Variants in CNTN5 observed in about 807,000 individuals in gnomAD.
CNTN5 encodes contactin-5.
Under a neutral mutation model 129.1 loss-of-function variants are expected in CNTN5, and 77 were observed. The ratio of observed to expected loss-of-function variants is 0.60; its 90% CI spans 0.50 to 0.72. The LOEUF is 0.72. Among genes scored for constraint, CNTN5 ranks in the 30% least tolerant of loss-of-function variants. The probability of loss-of-function intolerance (pLI) is 0.00; values close to 1 mark genes in which losing one functional copy is unlikely to be tolerated. For missense variants in CNTN5, 1,478 were observed against 1,328.8 expected (o/e 1.11, Z -1.75); for synonymous variants, 509 against 465.6 (o/e 1.09, Z -1.20).
chr11:100,337,527 G>A, intron 21 of CNTN5: 2 of 739,956 alleles, frequency 2.7e-6, no homozygotes, highest in African/African-American at 1.7e-5. Context: ...ACGCATGTCT[G>A]TATCCCCAGT....
At chr11:99,654,014 A>G (rs992210812) in intron 3 of CNTN5, among the ~76,000 whole-genome samples, 4 of 152,114 alleles carry the variant, frequency 2.6e-5, no homozygotes, top group Admixed American at 6.6e-5. Context: ...GTTTAAGTAC[A>G]AAACAAAATC....
chr11:99,642,284 T>C (rs1951798467), intron 3 of CNTN5, among the ~76,000 whole-genome samples: 2 of 152,238 alleles, frequency 1.3e-5, no homozygotes, highest in South Asian at 4.1e-4. Flanking sequence ...TCACTGATTC[T>C]ACAGTGGTAT....
chr11:99,388,399 A>C (rs1182772880), intron 2 of CNTN5, among the ~76,000 whole-genome samples: 1 of 139,650 alleles, frequency 7.2e-6, no homozygotes, highest in Non-Finnish European at 1.5e-5. Flanking sequence ...TGGGTGACAG[A>C]GCAAAACCCG....
chr11:99,385,348 T>C (rs978899098), intron 2 of CNTN5, among the ~76,000 whole-genome samples: 3 of 151,998 alleles, frequency 2.0e-5, no homozygotes, highest in Admixed American at 1.3e-4. Flanking sequence ...TCAAAAGTAA[T>C]GTAATCCAGC....
chr11:99,106,037 C>T (rs188746858), intron 1 of CNTN5, among the ~76,000 whole-genome samples: 1 of 152,166 alleles, frequency 6.6e-6, no homozygotes, highest in Non-Finnish European at 1.5e-5. Context: ...TATCTGCAAA[C>T]TTCATGGTCT....
intron 3 of CNTN5, among the ~76,000 whole-genome samples, chr11:99,637,043 T>TAAAAAAAAAAAAAAAAAAAAAAAAAAA (rs763109822): frequency 1.0e-5 from 1 of 95,818 alleles, no homozygotes; most frequent in Non-Finnish European, 2.1e-5. Context: ...AAAAAAAAAG[T>TAAAAAAAAAAAAAAAAAAAAAAAAAAA]AAATGACTCT....
intron 7 of CNTN5, among the ~76,000 whole-genome samples, chr11:99,920,262 G>T (rs774582379): frequency 1.3e-5 from 2 of 151,974 alleles, no homozygotes; most frequent in African/African-American, 2.4e-5. Flanking sequence ...CTCCTTTGCT[G>T]ATTTGTCTCA....
At chr11:99,432,604 T>C (rs1943434317) in intron 2 of CNTN5, among the ~76,000 whole-genome samples, 1 of 151,812 alleles carries the variant, frequency 6.6e-6, no homozygotes, top group South Asian at 2.1e-4. Flanking sequence ...AATATCTCTC[T>C]TGGGTGAGGA....
At chr11:99,808,106 T>G (rs1946326417) in intron 3 of CNTN5, among the ~76,000 whole-genome samples, 1 of 152,170 alleles carries the variant, frequency 6.6e-6, no homozygotes, top group Non-Finnish European at 1.5e-5. Context: ...GTAAAACTTT[T>G]GACTTGAGAA....
At chr11:99,726,018 G>T (rs1325821406) in intron 3 of CNTN5, among the ~76,000 whole-genome samples, 1 of 152,120 alleles carries the variant, frequency 6.6e-6, no homozygotes, top group Non-Finnish European at 1.5e-5. Context: ...TGGCTATTCT[G>T]AAGTAGCCAA....
At chr11:100,095,825 A>G (rs1944990671) in intron 13 of CNTN5, among the ~76,000 whole-genome samples, 1 of 152,028 alleles carries the variant, frequency 6.6e-6, no homozygotes, top group African/African-American at 2.4e-5. Flanking sequence ...GCCTTCGGTG[A>G]TTTATTTAAG....
Position 100,191,183 on chromosome 11 carries a change from G to A in CNTN5, c.1638G>A (p.Glu546=), listed in dbSNP as rs1363419701. 2 of 1,611,764 alleles carry A rather than the reference G, an allele frequency of 1.2e-6. No individual in the cohort carries two copies. Among genetic ancestry groups the A allele is most frequent in the Non-Finnish European group, 8.5e-7 (1 of 1,178,450 alleles). The change falls in exon 14 of 25, where the codon GAG becomes GAA. Residue 546 remains glutamate (E), a synonymous_variant. Coordinates refer to ENST00000524871, the MANE Select transcript of CNTN5 (RefSeq NM_014361.4). ...TCCTAAATGCTTCCAAATCAGACGA[G>A]GGAAAGTACGTTTGCCGAGGGGAAA... ...LRILNASKSD[E]GKYVCRGENV...
chr11:99,669,347 T>C (rs988199102), intron 3 of CNTN5, among the ~76,000 whole-genome samples: 14 of 152,138 alleles, frequency 9.2e-5, no homozygotes, highest in African/African-American at 3.4e-4. Flanking sequence ...AGTCTACTTA[T>C]GCAACTTCGA....
At chr11:99,825,582 A>G (rs1946928463) in intron 4 of CNTN5, among the ~76,000 whole-genome samples, 1 of 152,052 alleles carries the variant, frequency 6.6e-6, no homozygotes, top group African/African-American at 2.4e-5. Context: ...TAAAAAGGAT[A>G]TCACTGTGAC....
At chr11:99,924,156 G>T (rs1222565688) in intron 7 of CNTN5, among the ~76,000 whole-genome samples, 2 of 152,068 alleles carry the variant, frequency 1.3e-5, no homozygotes, top group Non-Finnish European at 2.9e-5. Flanking sequence ...ATCTCATTGC[G>T]GTTTTCATTT....
intron 1 of CNTN5, among the ~76,000 whole-genome samples, chr11:99,301,770 A>T (rs894526463): frequency 6.6e-6 from 1 of 151,768 alleles, no homozygotes; most frequent in Non-Finnish European, 1.5e-5. Flanking sequence ...ACCCAATAAC[A>T]GAAAAAATGT....
At chr11:99,375,302 CAAAAAAAAA>C (rs397848951) in intron 2 of CNTN5, among the ~76,000 whole-genome samples, 8 of 53,570 alleles carry the variant, frequency 1.5e-4, no homozygotes, top group African/African-American at 6.2e-4. Context: ...GAGTCTGTCT[CAAAAAAAAA>C]AAAAAAAAAA....
At chr11:99,253,518 T>G (rs1565440156) in intron 1 of CNTN5, among the ~76,000 whole-genome samples, 2 of 152,092 alleles carry the variant, frequency 1.3e-5, no homozygotes, top group African/African-American at 2.4e-5. Flanking sequence ...TTGCTTGTAC[T>G]TCTATGTGCA....
intron 2 of CNTN5, among the ~76,000 whole-genome samples, chr11:99,464,063 A>C (rs1303417468): frequency 6.6e-6 from 1 of 152,186 alleles, no homozygotes; most frequent in Non-Finnish European, 1.5e-5. Context: ...CTGGGTTTGT[A>C]ATTTTCCTCC....
Sources: gnomAD v4.1 joint callset for allele counts (sites outside exome capture counted in the v4.1 genomes callset) on GRCh38, gnomAD v4.1.1 for gene constraint, MANE v1.5 for transcripts, NCBI Gene and HGNC (gene_info 2026-07-23, HGNC 2026-07-21) for gene names.